The following RAD54B variants were observed in gnomAD, a reference collection of about 807,000 sequenced individuals.
RAD54B encodes the protein RAD54 homolog B.
A neutral mutation model predicts 95.8 loss-of-function variants in RAD54B; 78 were observed. That is an observed-to-expected ratio of 0.81 (90% CI 0.68 to 0.98). RAD54B has a LOEUF of 0.98. Ranked by LOEUF, RAD54B falls within the 50% of genes least tolerant of loss-of-function variation. The pLI, the probability that RAD54B is intolerant of heterozygous loss-of-function variation, is 0.00. For missense variants in RAD54B, 957 were observed against 1,056.6 expected (o/e 0.91, Z 1.31); for synonymous variants, 328 against 354.9 (o/e 0.92, Z 0.85).
chr8:94,465,390 A>G (rs1329014370), intron 2 of RAD54B, among the ~76,000 whole-genome samples: 1 of 152,218 alleles, frequency 6.6e-6, no homozygotes, highest in Non-Finnish European at 1.5e-5. Flanking sequence ...AATGGCCAAT[A>G]AGCACATGAA....
At chr8:94,431,255 A>C (rs1812085833) in intron 3 of RAD54B, 17 of 967,274 alleles carry the variant, frequency 1.8e-5, no homozygotes, top group Non-Finnish European at 2.1e-5. Flanking sequence ...AATTTTTTCC[A>C]GAACAGGACA....
chr8:94,378,248 T>C lies in RAD54B; in HGVS notation c.2447A>G (p.His816Arg), dbSNP rs368681293. The C allele has an allele frequency of 6.2e-7, 1 of 1,613,448 alleles. No individual in the cohort carries two copies. The highest frequency in any genetic ancestry group is 8.5e-7 in the Non-Finnish European group (1 of 1,179,696). Residue 816 changes from histidine to arginine, a missense_variant, in exon 14 of 15, where the codon CAT becomes CGT. His to Arg is a conservative substitution (Grantham distance 29). Coordinates refer to ENST00000336148, the MANE Select transcript of RAD54B (RefSeq NM_012415.3). Reference sequence around the variant, plus strand: ...ATGAGTAACACAATCTGAACTTTCATGTAATGTGAACAAATTTTTAAGTTC... The same window carrying C: ...ATGAGTAACACAATCTGAACTTTCACGTAATGTGAACAAATTTTTAAGTTC... ...VEELKNLFTLHESSDCVTHDL... is the reference protein window; with the variant it reads ...VEELKNLFTLRESSDCVTHDL...
intron 1 of RAD54B, among the ~76,000 whole-genome samples, chr8:94,472,625 A>T (rs1052002922): frequency 2.0e-5 from 3 of 152,194 alleles, no homozygotes; most frequent in African/African-American, 7.2e-5. Context: ...GACACTTTTT[A>T]AAAAGGAACA....
intron 3 of RAD54B, among the ~76,000 whole-genome samples, chr8:94,424,992 G>T (rs1168076370): frequency 2.0e-5 from 3 of 150,010 alleles, no homozygotes; most frequent in Non-Finnish European, 4.4e-5. Context: ...AGCCCAGGAG[G>T]TTGAGGCTCC....
intron 3 of RAD54B, chr8:94,429,710 C>G: frequency 1.0e-6 from 1 of 983,616 alleles, no homozygotes; most frequent in Non-Finnish European, 1.2e-6. Flanking sequence ...GAAAAGGTAA[C>G]ATTGTCAAAA....
At chr8:94,387,291 A>C (rs1810912049) in intron 10 of RAD54B, 132 bp from the exon 11 acceptor site, 1 of 704,950 alleles carries the variant, frequency 1.4e-6, no homozygotes, top group Admixed American at 3.2e-5. Context: ...CTGTTAGGTA[A>C]ATCTTTATAG....
At chr8:94,468,808 G>A (rs970528259) in intron 1 of RAD54B, among the ~76,000 whole-genome samples, 5 of 151,822 alleles carry the variant, frequency 3.3e-5, no homozygotes, top group African/African-American at 7.3e-5. Context: ...CAGCTTGGGC[G>A]ACAGCGAGAC....
chr8:94,377,838 T>G (rs1041985368), intron 14 of RAD54B, among the ~76,000 whole-genome samples: 1 of 148,926 alleles, frequency 6.7e-6, no homozygotes, highest in Non-Finnish European at 1.5e-5. Context: ...TAGCCGGGCG[T>G]GGTAGCGGGC....
At position 94,407,627 on chromosome 8, in the gene RAD54B, G is replaced by A; in HGVS notation, c.593C>T (p.Ser198Phe). The change falls in exon 5 of 15, where the codon TCT becomes TTT. Residue 198 changes from serine (S) to phenylalanine (F), a missense_variant. Ser to Phe is a radical substitution (Grantham distance 155). Coordinates refer to ENST00000336148, the MANE Select transcript of RAD54B (RefSeq NM_012415.3). ...CCTGCCACTGCTGAAGTCATCTGGA[G>A]AGATTACACCCATGACTTCTATTTC... ...GKEIEVMGVISPDDFSSGRCF... is the reference protein window; with the variant it reads ...GKEIEVMGVIFPDDFSSGRCF... The A allele has an allele frequency of 3.7e-6, 6 of 1,613,966 alleles. No individual in the cohort carries two copies. Among genetic ancestry groups the A allele is most frequent in the Non-Finnish European group, 5.1e-6 (6 of 1,179,932 alleles).
At chr8:94,444,591 C>CTAG (rs1039367345) in intron 3 of RAD54B, among the ~76,000 whole-genome samples, 1 of 152,170 alleles carries the variant, frequency 6.6e-6, no homozygotes, top group African/African-American at 2.4e-5. Context: ...CAAATTCTTG[C>CTAG]TCTAAGAGCC....
chr8:94,379,162 A>C (rs894709670), intron 12 of RAD54B, among the ~76,000 whole-genome samples: 4 of 152,154 alleles, frequency 2.6e-5, no homozygotes, highest in African/African-American at 9.7e-5. Flanking sequence ...AGGCCTTTGG[A>C]ATGTCCTGCC....
At chr8:94,456,685 C>T (rs907454105) in intron 3 of RAD54B, among the ~76,000 whole-genome samples, 1 of 152,110 alleles carries the variant, frequency 6.6e-6, no homozygotes, top group Non-Finnish European at 1.5e-5. Flanking sequence ...CTGGGACATA[C>T]AGATTTGTAG....
chr8:94,430,556 G>T, intron 3 of RAD54B: 1 of 717,964 alleles, frequency 1.4e-6, no homozygotes, highest in Non-Finnish European at 1.7e-6. Context: ...AATTCACTTG[G>T]AAATGGATTT....
chr8:94,379,133 C>A (rs999703136), intron 12 of RAD54B, among the ~76,000 whole-genome samples: 3 of 152,200 alleles, frequency 2.0e-5, no homozygotes, highest in African/African-American at 4.8e-5. Flanking sequence ...CTTCAACCAA[C>A]TTCTAAGAGA....
chr8:94,467,696 A>C, intron 1 of RAD54B, 141 bp from the exon 2 acceptor site: 2 of 802,682 alleles, frequency 2.5e-6, no homozygotes, highest in Admixed American at 3.0e-5. Flanking sequence ...ATAGAAACAA[A>C]AGGAAAATCT....
chr8:94,385,368 A>T (rs961778938), intron 11 of RAD54B, among the ~76,000 whole-genome samples: 4 of 142,408 alleles, frequency 2.8e-5, no homozygotes, highest in African/African-American at 8.1e-5. Context: ...AAGTCCAGTT[A>T]AAAAAAAAAA....
chr8:94,428,732 G>T (rs1812006087), intron 3 of RAD54B: 1 of 981,894 alleles, frequency 1.0e-6, no homozygotes, highest in African/African-American at 1.8e-5. Context: ...AAAGCCAAGT[G>T]TACATTCCAT....
intron 10 of RAD54B, among the ~76,000 whole-genome samples, chr8:94,388,043 T>G (rs1810931932): frequency 6.6e-6 from 1 of 152,242 alleles, no homozygotes. Flanking sequence ...ACCTGATTAT[T>G]CATAGCCTTT....
intron 3 of RAD54B, chr8:94,430,927 G>C: frequency 2.0e-6 from 2 of 985,308 alleles, no homozygotes; most frequent in South Asian, 9.4e-5. Context: ...CACTGCATTT[G>C]TGCTTATATA....
Sources: gnomAD v4.1 joint callset for allele counts (sites outside exome capture counted in the v4.1 genomes callset) on GRCh38, gnomAD v4.1.1 for gene constraint, MANE v1.5 for transcripts, NCBI Gene and HGNC (gene_info 2026-07-23, HGNC 2026-07-21) for gene names.